DCDC1: variants seen among roughly 807,000 people sequenced by gnomAD.
DCDC1 encodes doublecortin domain containing 1, also known as doublecortin domain-containing protein 1.
A neutral mutation model predicts 178.3 loss-of-function variants in DCDC1; 200 were observed. The ratio of observed to expected loss-of-function variants is 1.12; its 90% CI spans 1.00 to 1.26. The LOEUF is 1.26. Among genes scored for constraint, DCDC1 ranks in the 50% most tolerant of loss-of-function variants. The pLI is 0.00. For synonymous variants in DCDC1, 690 were observed against 604.8 expected (o/e 1.14, Z -2.07); for missense variants, 1,983 against 1,749.2 (o/e 1.13, Z -2.38).
rs185822270 is a variant in DCDC1 at position 30,892,102 on chromosome 11, T to C, written c.5082+716A>G. The stretch of plus-strand genomic sequence containing the variant: ...AGACAAACTACTATTTAAGACATCA[T>C]TGCAACAGATAAGACTTTTAAAAAG... On this transcript the variant is annotated intron_variant, in intron 36 of 38. Transcript: ENST00000684477. Among the ~76,000 whole-genome samples the C allele has an allele frequency of 4.2e-4, 64 of 152,344 alleles. No homozygotes were observed. The East Asian group carries it at 0.012, about 29-fold the overall frequency.
chr11:31,114,540 G>C (rs897987987), intron 11 of DCDC1, among the ~76,000 whole-genome samples: 1 of 152,128 alleles, frequency 6.6e-6, no homozygotes, highest in African/African-American at 2.4e-5. Context: ...GAAAACAATT[G>C]AGCAAAGATT....
intron 9 of DCDC1, among the ~76,000 whole-genome samples, chr11:31,156,403 C>T (rs1342005416): frequency 1.3e-5 from 2 of 151,916 alleles, no homozygotes; most frequent in Non-Finnish European, 2.9e-5. Context: ...TTAGCAACCC[C>T]TGAATTGGAC....
chr11:31,168,618 G>C (rs559524457), intron 9 of DCDC1, among the ~76,000 whole-genome samples: 3 of 152,228 alleles, frequency 2.0e-5, no homozygotes, highest in Non-Finnish European at 4.4e-5. Flanking sequence ...AACTAGGAGA[G>C]AGGGTTTTTA....
At chr11:31,127,873 A>T (rs1428692738) in intron 10 of DCDC1, among the ~76,000 whole-genome samples, 1 of 152,124 alleles carries the variant, frequency 6.6e-6, no homozygotes, top group East Asian at 1.9e-4. Context: ...GTAGCCCTTT[A>T]CAATTGTTGA....
At chr11:31,272,764 C>T (rs1945665605) in intron 7 of DCDC1, among the ~76,000 whole-genome samples, 1 of 152,196 alleles carries the variant, frequency 6.6e-6, no homozygotes, top group Non-Finnish European at 1.5e-5. Flanking sequence ...CTTTGCAGGG[C>T]ACAGCCGCTG....
intron 9 of DCDC1, among the ~76,000 whole-genome samples, chr11:31,179,015 G>A (rs949737419): frequency 6.6e-6 from 1 of 152,056 alleles, no homozygotes; most frequent in African/African-American, 2.4e-5. Context: ...AATGGGCAAA[G>A]GACCTTAGTA....
At chr11:30,910,578 A>G (rs1945371027) in intron 28 of DCDC1, among the ~76,000 whole-genome samples, 1 of 152,232 alleles carries the variant, frequency 6.6e-6, no homozygotes, top group Non-Finnish European at 1.5e-5. Context: ...CTGTTCAACA[A>G]GAGGATGGAA....
intron 20 of DCDC1, 95 bp from the exon 21 acceptor site, chr11:30,952,663 G>T (rs1008412729): frequency 2.4e-5 from 11 of 454,758 alleles, no homozygotes; most frequent in African/African-American, 2.2e-4. Context: ...CTATACACTA[G>T]GCAAAAACTC....
chr11:30,971,210 G>T (rs1330339844), intron 20 of DCDC1, among the ~76,000 whole-genome samples: 1 of 152,160 alleles, frequency 6.6e-6, no homozygotes, highest in Non-Finnish European at 1.5e-5. Flanking sequence ...TATTATGCCA[G>T]ATATGCAGAT....
intron 1 of DCDC1, among the ~76,000 whole-genome samples, chr11:31,366,380 T>C (rs1951958101): frequency 2.0e-5 from 3 of 152,234 alleles, no homozygotes; most frequent in African/African-American, 4.8e-5. Flanking sequence ...TTAGTTTCTC[T>C]GGAGAGGTGT....
intron 20 of DCDC1, among the ~76,000 whole-genome samples, chr11:31,052,489 T>C (rs549350735): frequency 4.6e-5 from 7 of 152,164 alleles, no homozygotes; most frequent in African/African-American, 1.7e-4. Context: ...AAACTATATC[T>C]TGGAACAAAT....
At chr11:31,313,574 T>C (rs1489809628) in intron 3 of DCDC1, among the ~76,000 whole-genome samples, 2 of 146,236 alleles carry the variant, frequency 1.4e-5, no homozygotes, top group African/African-American at 5.0e-5. Context: ...TTTTAAGATC[T>C]ACATTTTTAA....
At chr11:31,012,220 G>A (rs1267332531) in intron 20 of DCDC1, among the ~76,000 whole-genome samples, 1 of 152,082 alleles carries the variant, frequency 6.6e-6, no homozygotes, top group African/African-American at 2.4e-5. Context: ...CTCAGTCTCA[G>A]GTATTTCTTT....
chr11:31,273,489 C>G (rs1344327414), intron 7 of DCDC1, among the ~76,000 whole-genome samples: 2 of 152,280 alleles, frequency 1.3e-5, no homozygotes, highest in South Asian at 2.1e-4. Flanking sequence ...TGCTCCAGTT[C>G]CCAACAAGTT....
intron 20 of DCDC1, among the ~76,000 whole-genome samples, chr11:30,999,289 T>C (rs1951442033): frequency 6.6e-6 from 1 of 152,190 alleles, no homozygotes; most frequent in Non-Finnish European, 1.5e-5. Context: ...GATTTATTAG[T>C]TCTGATAAAT....
chr11:31,240,735 G>A (rs759111254), intron 9 of DCDC1, among the ~76,000 whole-genome samples: 6 of 151,892 alleles, frequency 4.0e-5, no homozygotes, highest in African/African-American at 1.5e-4. Context: ...AGTACAAAGA[G>A]GATTTTTTAA....
chr11:30,917,084 A>G, intron 25 of DCDC1, 56 bp from the exon 26 acceptor site: 1 of 1,524,200 alleles, frequency 6.6e-7, no homozygotes, highest in Non-Finnish European at 8.8e-7. Context: ...TGTTCACAGA[A>G]TTTTTTTCTG....
chr11:31,351,633 T>A (rs1951076966), intron 1 of DCDC1, among the ~76,000 whole-genome samples: 1 of 152,192 alleles, frequency 6.6e-6, no homozygotes, highest in African/African-American at 2.4e-5. Context: ...TCTTTCACTC[T>A]ATCTTACTTT....
intron 20 of DCDC1, among the ~76,000 whole-genome samples, chr11:31,014,404 T>C (rs1305570052): frequency 1.3e-5 from 2 of 152,000 alleles, no homozygotes; most frequent in African/African-American, 2.4e-5. Flanking sequence ...ATGAATAAAC[T>C]TGGAAGTGGA....
Sources: gnomAD v4.1 joint callset for allele counts (sites outside exome capture counted in the v4.1 genomes callset) on GRCh38, gnomAD v4.1.1 for gene constraint, MANE v1.5 for transcripts, NCBI Gene and HGNC (gene_info 2026-07-23, HGNC 2026-07-21) for gene names.